CD109: variants seen among roughly 807,000 people sequenced by gnomAD.
CD109 encodes CD109 antigen.
CD109 carries 149 observed loss-of-function variants against 165.8 expected under a neutral mutation model. The ratio of observed to expected loss-of-function variants is 0.90; its 90% CI spans 0.79 to 1.03. The LOEUF is 1.03. Ranked by LOEUF, CD109 falls within the 50% of genes least tolerant of loss-of-function variation. The probability of loss-of-function intolerance (pLI) is 0.00; values close to 1 mark genes in which losing one functional copy is unlikely to be tolerated. For missense variants in CD109, 1,712 were observed against 1,677.8 expected (o/e 1.02, Z -0.36); for synonymous variants, 585 against 592.1 (o/e 0.99, Z 0.18).
intron 23 of CD109, among the ~76,000 whole-genome samples, chr6:73,796,105 C>T (rs1438920307): frequency 6.6e-6 from 1 of 152,196 alleles, no homozygotes; most frequent in African/African-American, 2.4e-5. Context: ...TCCATTCAAG[C>T]ATGATTGCTC....
chr6:73,710,269 A>G (rs1034285924), intron 2 of CD109, among the ~76,000 whole-genome samples: 1 of 152,222 alleles, frequency 6.6e-6, no homozygotes, highest in African/African-American at 2.4e-5. Context: ...TCAATGTGCA[A>G]AAATCACCAG....
In CD109 at chr6:73,792,802, G is replaced by T; in HGVS notation, c.2878G>T (p.Gly960Cys). 6.2e-7 allele frequency: 1 copy of T among 1,605,490 alleles called. No homozygotes were observed. Among genetic ancestry groups the T allele is most frequent in the South Asian group, 1.1e-5 (1 of 90,154 alleles). ...AAAAGCTCTTTCATTTATGAGGCAA[G>T]GTAAGCATTTTAGAGACCTACATTT... ...KEKALSFMRQ[G>C]YQRELLYQRE... The change falls in exon 23 of 33, where the codon GGT becomes TGT. Residue 960 changes from glycine (G) to cysteine (C), a missense_variant and splice_region_variant. Gly to Cys is a radical substitution (Grantham distance 159, BLOSUM62 -3). Coordinates refer to ENST00000287097, the MANE Select transcript of CD109 (RefSeq NM_133493.5).
intron 19 of CD109, among the ~76,000 whole-genome samples, chr6:73,784,320 T>A (rs762529244): frequency 3.9e-5 from 6 of 152,216 alleles, no homozygotes; most frequent in Non-Finnish European, 8.8e-5. Context: ...AATTGAAATG[T>A]AATTTTGATT....
chr6:73,720,612 A>G (rs1385520393), intron 2 of CD109, among the ~76,000 whole-genome samples: 2 of 152,240 alleles, frequency 1.3e-5, no homozygotes, highest in South Asian at 4.1e-4. Flanking sequence ...TATCATCTAT[A>G]TGTCGCATAC....
At chr6:73,782,536 A>G (rs1774544936) in intron 17 of CD109, 78 bp from the exon 18 acceptor site, 3 of 1,388,620 alleles carry the variant, frequency 2.2e-6, no homozygotes, top group African/African-American at 1.4e-5. Context: ...AGTGATTGAC[A>G]TTCATTTTGT....
At chr6:73,819,980 A>G (rs3005527) in intron 31 of CD109, among the ~76,000 whole-genome samples, 85,076 of 151,676 alleles carry the variant, frequency 0.56, 24,205 homozygotes, top group African/African-American at 0.66. Flanking sequence ...AAATTGGCCA[A>G]ATCTGTCTCT....
rs1582124712 is a variant in CD109 at position 73,765,928 on chromosome 6, A to ATAAT, written c.1108-2_1108-1insTAAT. On this transcript the variant is annotated splice_acceptor_variant, in intron 10 of 32. Transcript: ENST00000287097. LOFTEE classifies it high-confidence loss of function. ...TTTAAGATGTTTTGTTTTGACCATT[A>ATAAT]GGTGAAGGTAACTCGTGCTGATGGC... is the stretch of plus-strand genomic sequence containing the variant. 1 of 1,602,306 alleles carries ATAAT rather than the reference A, an allele frequency of 6.2e-7. No homozygotes were observed. The highest frequency in any genetic ancestry group is 2.2e-5 in the East Asian group (1 of 44,824).
At chr6:73,789,037 G>C (rs146955584) in intron 22 of CD109, among the ~76,000 whole-genome samples, 64 of 152,188 alleles carry the variant, frequency 4.2e-4, no homozygotes, top group African/African-American at 1.5e-3. Context: ...GTGAATATCA[G>C]AATCTTCTAA....
intron 6 of CD109, among the ~76,000 whole-genome samples, 199 bp from the exon 7 acceptor site, chr6:73,758,745 G>A (rs996073276): frequency 4.6e-5 from 7 of 152,058 alleles, no homozygotes; most frequent in Admixed American, 2.6e-4. Flanking sequence ...GAAACAAAGG[G>A]CTTTTCATCT....
intron 23 of CD109, among the ~76,000 whole-genome samples, chr6:73,798,922 C>T (rs1775265940): frequency 6.6e-6 from 1 of 152,152 alleles, no homozygotes; most frequent in Non-Finnish European, 1.5e-5. Context: ...GTACCTCAAA[C>T]TTTTGTGTAG....
At chr6:73,679,485 T>G in the CD109 span, among the ~76,000 whole-genome samples, 1 of 147,400 alleles carries the variant, frequency 6.8e-6, no homozygotes, top group South Asian at 2.1e-4. Flanking sequence ...CTTGGATAAT[T>G]AAAAAAAAAA....
chr6:73,688,760 T>G, the CD109 span, among the ~76,000 whole-genome samples: 1 of 130,746 alleles, frequency 7.6e-6, no homozygotes, highest in African/African-American at 3.1e-5. Flanking sequence ...AGTTTTTCTT[T>G]GTTTTTTTTT....
rs1562082456 is a variant in CD109 at position 73,808,239 on chromosome 6, G to C, written c.3346G>C (p.Glu1116Gln). 1 of 1,612,312 alleles carries C rather than the reference G, an allele frequency of 6.2e-7. No homozygotes were observed. Among genetic ancestry groups the C allele is most frequent in the Non-Finnish European group, 8.5e-7 (1 of 1,179,230 alleles). ...TTTGAATATGCTGACTTGGAGAGCAGAACAAGAAGGTAATGTGCTGGGCCC... is the reference window on the plus strand; with the variant it reads ...TTTGAATATGCTGACTTGGAGAGCACAACAAGAAGGTAATGTGCTGGGCCC... ...EALNMLTWRAEQEGGMQFWVS... is the reference protein window; with the variant it reads ...EALNMLTWRAQQEGGMQFWVS... The change falls in exon 26 of 33, where the codon GAA (glutamate) becomes CAA (glutamine). Residue 1116 changes from glutamate (E) to glutamine (Q), a missense_variant. Glu to Gln is a conservative substitution (Grantham distance 29). Transcript: ENST00000287097.
chr6:73,815,973 T>C (rs550990534), intron 30 of CD109, among the ~76,000 whole-genome samples: 1 of 152,336 alleles, frequency 6.6e-6, no homozygotes, highest in African/African-American at 2.4e-5. Flanking sequence ...CTGGTTTAAC[T>C]TAGCTTATTG....
intron 4 of CD109, among the ~76,000 whole-genome samples, chr6:73,732,957 C>T (rs1469344776): frequency 6.6e-6 from 1 of 152,034 alleles, no homozygotes; most frequent in Admixed American, 6.6e-5. Context: ...TACCTGGAAC[C>T]CAAAGTGTTT....
intron 6 of CD109, 65 bp downstream of exon 6, chr6:73,756,747 AATTTTTAAGAGATGT>A (rs1773407315): frequency 3.5e-6 from 4 of 1,132,322 alleles, no homozygotes; most frequent in Non-Finnish European, 5.0e-6. Context: ...AGATTAGAGA[AATTTTTAAGAGATGT>A]ATTATTTGAA....
At chr6:73,744,071 A>G (rs1772889445) in intron 5 of CD109, among the ~76,000 whole-genome samples, 1 of 152,234 alleles carries the variant, frequency 6.6e-6, no homozygotes. Context: ...AAAATTTACC[A>G]TTTTAACAAT....
intron 5 of CD109, among the ~76,000 whole-genome samples, chr6:73,743,430 G>A (rs1772866325): frequency 6.6e-6 from 1 of 152,192 alleles, no homozygotes; most frequent in African/African-American, 2.4e-5. Flanking sequence ...GAAGCAATCT[G>A]CATTGAGTTA....
intron 5 of CD109, among the ~76,000 whole-genome samples, chr6:73,737,070 A>G (rs1468060260): frequency 6.6e-6 from 1 of 152,240 alleles, no homozygotes; most frequent in Non-Finnish European, 1.5e-5. Context: ...CATTGGAATG[A>G]ATGAGACATA....
Sources: gnomAD v4.1 joint callset for allele counts (sites outside exome capture counted in the v4.1 genomes callset) on GRCh38, gnomAD v4.1.1 for gene constraint, MANE v1.5 for transcripts, NCBI Gene and HGNC (gene_info 2026-07-23, HGNC 2026-07-21) for gene names.